Variants in PRKCA observed in about 807,000 individuals in gnomAD.
PRKCA encodes protein kinase C alpha, also known as protein kinase C alpha type.
In PRKCA, 27 loss-of-function variants were observed where a neutral mutation model predicts 87.0. The observed-to-expected ratio is 0.31, with a 90% CI of 0.23 to 0.43. The LOEUF is 0.43. Among genes scored for constraint, PRKCA ranks in the 20% least tolerant of loss-of-function variants. The pLI is 1.00. For missense variants in PRKCA, 518 were observed against 852.3 expected (o/e 0.61, Z 4.88); for synonymous variants, 329 against 311.1 (o/e 1.06, Z -0.61).
At chr17:66,618,875 C>T (rs1367204626) in intron 3 of PRKCA, among the ~76,000 whole-genome samples, 3 of 145,770 alleles carry the variant, frequency 2.1e-5, no homozygotes, top group Non-Finnish European at 4.5e-5. Context: ...TTCCTTCCTT[C>T]CATTTGCTCA....
At chr17:66,336,754 TTG>T (rs148842588) in intron 2 of PRKCA, among the ~76,000 whole-genome samples, 19,406 of 133,368 alleles carry the variant, frequency 0.15, 1,195 homozygotes, top group Admixed American at 0.2. Flanking sequence ...GCAAATAAGT[TTG>T]TGTGTGTGTG....
intron 13 of PRKCA, among the ~76,000 whole-genome samples, chr17:66,762,145 G>T (rs981175821): frequency 6.6e-6 from 1 of 152,096 alleles, no homozygotes; most frequent in Non-Finnish European, 1.5e-5. Context: ...GTTTATTGTC[G>T]CTTAAGAATT....
intron 14 of PRKCA, chr17:66,774,793 G>T: frequency 1.0e-6 from 1 of 985,422 alleles, no homozygotes; most frequent in Non-Finnish European, 1.2e-6. Context: ...TTACCTTGAA[G>T]AAGTGTTTTA....
chr17:66,778,202 G>T (rs768920980), intron 14 of PRKCA: 40 of 985,214 alleles, frequency 4.1e-5, no homozygotes, highest in Middle Eastern at 1.0e-3. Context: ...ATACTTTCAG[G>T]TCTCCATCAT....
chr17:66,376,229 C>T (rs1909407948), intron 2 of PRKCA, among the ~76,000 whole-genome samples: 1 of 152,112 alleles, frequency 6.6e-6, no homozygotes, highest in African/African-American at 2.4e-5. Context: ...TTTGAGAAGG[C>T]CCCCTGGCAC....
At chr17:66,626,086 G>A (rs146233980) in intron 3 of PRKCA, among the ~76,000 whole-genome samples, 18 of 152,294 alleles carry the variant, frequency 1.2e-4, no homozygotes, top group East Asian at 5.8e-4. Flanking sequence ...AACTCTCTGC[G>A]TACAGGTGAA....
chr17:66,538,231 A>C (rs1967856658), intron 3 of PRKCA, among the ~76,000 whole-genome samples: 1 of 152,184 alleles, frequency 6.6e-6, no homozygotes, highest in African/African-American at 2.4e-5. Flanking sequence ...TGTCACTTAA[A>C]GCTGTGCCTC....
rs73996247 is a variant in PRKCA at position 66,549,991 on chromosome 17, G to A, written c.288+53708G>A. Among the ~76,000 whole-genome samples the A allele has an allele frequency of 3.9e-3, 595 of 152,248 alleles. 6 individuals carry two copies. The highest frequency in any genetic ancestry group is 0.013 in the African/African-American group (543 of 41,566). ...TCAAGGAATTCCTCTGAAATTCCCT[G>A]CATGTTTCTCTTTAGACTCTTAAGA... is the stretch of plus-strand genomic sequence containing the variant. On this transcript the variant is annotated intron_variant, in intron 3 of 16. Transcript: ENST00000413366.
At chr17:66,695,667 T>C (rs989139673) in intron 8 of PRKCA, among the ~76,000 whole-genome samples, 2 of 152,226 alleles carry the variant, frequency 1.3e-5, no homozygotes, top group Admixed American at 6.5e-5. Context: ...ACCGTAACTT[T>C]TGCTGCACAC....
chr17:66,500,799 C>T (rs1485747918), intron 3 of PRKCA, among the ~76,000 whole-genome samples: 4 of 152,176 alleles, frequency 2.6e-5, no homozygotes. Flanking sequence ...AACTTATCCT[C>T]CAGTCCTTTT....
intron 2 of PRKCA, among the ~76,000 whole-genome samples, chr17:66,335,285 T>C (rs966959547): frequency 1.8e-4 from 27 of 152,018 alleles, no homozygotes; most frequent in Admixed American, 1.6e-3. Flanking sequence ...TGCACCACCA[T>C]GCCTGGCTAA....
At chr17:66,305,799 T>C (rs1345414999) in intron 1 of PRKCA, among the ~76,000 whole-genome samples, 1 of 152,216 alleles carries the variant, frequency 6.6e-6, no homozygotes, top group Non-Finnish European at 1.5e-5. Context: ...CAAGTTTGAA[T>C]ATACAGTCAT....
intron 3 of PRKCA, among the ~76,000 whole-genome samples, chr17:66,582,090 A>G (rs1239348036): frequency 6.6e-6 from 1 of 152,152 alleles, no homozygotes; most frequent in African/African-American, 2.4e-5. Flanking sequence ...TATTTTGAAT[A>G]TCACTCTTTG....
chr17:66,687,075 TC>T (rs769873869), intron 5 of PRKCA, 35 bp from the exon 6 acceptor site: 1 of 1,566,632 alleles, frequency 6.4e-7, no homozygotes, highest in Admixed American at 1.8e-5. Flanking sequence ...AGGTCTGTTC[TC>T]TTTTTGTAAT....
chr17:66,472,269 C>G (rs558649952), intron 2 of PRKCA, among the ~76,000 whole-genome samples: 1 of 152,302 alleles, frequency 6.6e-6, no homozygotes, highest in South Asian at 2.1e-4. Flanking sequence ...ATGAGGCAAC[C>G]TCCATGGAGA....
chr17:66,449,126 A>C (rs1189558684), intron 2 of PRKCA, among the ~76,000 whole-genome samples: 1 of 151,928 alleles, frequency 6.6e-6, no homozygotes, highest in African/African-American at 2.4e-5. Context: ...CTGTACAAAA[A>C]ATGAATTAAA....
intron 2 of PRKCA, among the ~76,000 whole-genome samples, chr17:66,409,065 T>G (rs1005944451): frequency 3.1e-5 from 4 of 129,108 alleles, no homozygotes; most frequent in African/African-American, 8.5e-5. Context: ...AGAAGAAGAA[T>G]AAATAGTGGT....
At chr17:66,787,278 T>C (rs761524130) in intron 15 of PRKCA, 4 of 488,576 alleles carry the variant, frequency 8.2e-6, no homozygotes, top group Admixed American at 2.4e-5. Context: ...CATATTGCTA[T>C]GCAGTGTTCC....
At chr17:66,626,546 A>AT (rs1970862643) in intron 3 of PRKCA, among the ~76,000 whole-genome samples, 1 of 124,298 alleles carries the variant, frequency 8.0e-6, no homozygotes, top group Non-Finnish European at 1.8e-5. Context: ...TTTTTTTTGT[A>AT]TTTTTAGTGG....
Sources: gnomAD v4.1 joint callset for allele counts (sites outside exome capture counted in the v4.1 genomes callset) on GRCh38, gnomAD v4.1.1 for gene constraint, MANE v1.5 for transcripts, NCBI Gene and HGNC (gene_info 2026-07-23, HGNC 2026-07-21) for gene names.